Variants in TOM1 observed in about 807,000 individuals in gnomAD.
TOM1 encodes the protein target of myb1 membrane trafficking protein.
In TOM1, 38 loss-of-function variants were observed where a neutral mutation model predicts 61.3. The ratio of observed to expected loss-of-function variants is 0.62; its 90% confidence interval spans 0.48 to 0.81. The LOEUF (loss-of-function observed/expected upper bound fraction) is 0.81, where lower values mean the gene tolerates loss of function less well. TOM1 is among the 40% of genes least tolerant of loss of function. The pLI, the probability that TOM1 is intolerant of heterozygous loss-of-function variation, is 0.00. For missense variants in TOM1, 591 were observed against 659.6 expected (o/e 0.90, Z 1.14); for synonymous variants, 270 against 268.8 (o/e 1.00, Z -0.04).
intron 9 of TOM1, 42 bp downstream of exon 9, chr22:35,333,056 T>C (rs1270165517): frequency 2.5e-6 from 4 of 1,607,476 alleles, no homozygotes; most frequent in East Asian, 2.2e-5. Flanking sequence ...GCCCTGTTCA[T>C]GGGAAGAAGG....
At chr22:35,316,924 G>T (rs1927346962) in intron 1 of TOM1, among the ~76,000 whole-genome samples, 1 of 152,050 alleles carries the variant, frequency 6.6e-6, no homozygotes, top group South Asian at 2.1e-4. Flanking sequence ...AGTTCTGCTG[G>T]GTGGCTCGGC....
intron 7 of TOM1, 129 bp from the exon 8 acceptor site, chr22:35,330,218 C>T: frequency 1.1e-6 from 1 of 910,750 alleles, no homozygotes; most frequent in Non-Finnish European, 1.6e-6. Flanking sequence ...CAGGACACAG[C>T]TTGCAGTGAG....
intron 2 of TOM1, among the ~76,000 whole-genome samples, chr22:35,319,668 T>A (rs1390826123): frequency 6.6e-6 from 1 of 152,126 alleles, no homozygotes; most frequent in African/African-American, 2.4e-5. Flanking sequence ...TTCCCTTGTG[T>A]CTAGGCCACC....
At chr22:35,333,773 G>A (rs551367678) in intron 10 of TOM1, among the ~76,000 whole-genome samples, 37 of 152,234 alleles carry the variant, frequency 2.4e-4, no homozygotes, top group African/African-American at 3.1e-4. Context: ...AATCATCTGC[G>A]TGAGCTTGGG....
In TOM1 at chr22:35,345,804, T is replaced by C; in HGVS notation, c.1284+20T>C. The C allele has an allele frequency of 6.2e-7, 1 of 1,613,036 alleles. No individual in the cohort carries two copies. The highest frequency in any genetic ancestry group is 8.5e-7 in the Non-Finnish European group (1 of 1,179,584). ...GACGTGGTATGTTGGGGCCCACTCC[T>C]CACCCACACAGCAGGAGGACCCGTT... On this transcript the variant is annotated intron_variant, in intron 13 of 14. Coordinates refer to ENST00000449058, the MANE Select transcript of TOM1 (RefSeq NM_005488.3).
At chr22:35,320,529 GCTC>G (rs976142844) in intron 2 of TOM1, among the ~76,000 whole-genome samples, 16 of 152,004 alleles carry the variant, frequency 1.1e-4, no homozygotes, top group Admixed American at 1.0e-3. Context: ...AAGGCATCAA[GCTC>G]CTCTGCACCC....
intron 12 of TOM1, 76 bp from the exon 13 acceptor site, chr22:35,345,649 G>A: frequency 6.6e-7 from 1 of 1,507,914 alleles, no homozygotes. Context: ...GGGCCACCCA[G>A]CTGCAGGGTG....
chr22:35,334,836 G>GC (rs1369097587), intron 11 of TOM1, among the ~76,000 whole-genome samples: 1 of 98,720 alleles, frequency 1.0e-5, no homozygotes, highest in Non-Finnish European at 2.1e-5. Flanking sequence ...TCCACCCCCC[G>GC]CCCCCCTCCC....
At chr22:35,306,338 G>A (rs1185852774) in intron 1 of TOM1, among the ~76,000 whole-genome samples, 1 of 152,136 alleles carries the variant, frequency 6.6e-6, no homozygotes, top group Non-Finnish European at 1.5e-5. Context: ...GATGCTTGAG[G>A]GTGCTTATCC....
chr22:35,305,616 C>T (rs138756), intron 1 of TOM1, among the ~76,000 whole-genome samples: 76,748 of 150,724 alleles, frequency 0.51, 22,577 homozygotes, highest in Non-Finnish European at 0.65. Context: ...GCCAAGATCA[C>T]GCCGCTGCAC....
chr22:35,329,169 T>TG (rs1928601647), intron 7 of TOM1, among the ~76,000 whole-genome samples: 2 of 152,336 alleles, frequency 1.3e-5, no homozygotes, highest in South Asian at 4.1e-4. Context: ...TTGGCCAGGC[T>TG]GGTCTTGAAC....
chr22:35,333,720 C>T (rs1295466374), intron 10 of TOM1, among the ~76,000 whole-genome samples: 1 of 152,154 alleles, frequency 6.6e-6, no homozygotes, highest in Non-Finnish European at 1.5e-5. Context: ...AGAAATCCTA[C>T]CATCCTAGGA....
At chr22:35,313,991 C>A (rs1288942822) in intron 1 of TOM1, among the ~76,000 whole-genome samples, 1 of 152,208 alleles carries the variant, frequency 6.6e-6, no homozygotes, top group Non-Finnish European at 1.5e-5. Flanking sequence ...TGTTTTTATT[C>A]CCCCTTCTTA....
chr22:35,322,986 T>C, intron 3 of TOM1, 42 bp from the exon 4 acceptor site: 1 of 1,606,238 alleles, frequency 6.2e-7, no homozygotes, highest in Non-Finnish European at 8.5e-7. Context: ...GCACCTCCTC[T>C]CCTCTGACCA....
At chr22:35,328,260 G>A (rs147849137) in intron 7 of TOM1, among the ~76,000 whole-genome samples, 9 of 152,282 alleles carry the variant, frequency 5.9e-5, no homozygotes, top group East Asian at 3.9e-4. Flanking sequence ...TAAGGGCTCC[G>A]AAAGAGAGAA....
chr22:35,323,877 T>A lies in TOM1; in HGVS notation c.611T>A (p.Leu204His), dbSNP rs748511616. 11 of 1,600,320 alleles carry A rather than the reference T, an allele frequency of 6.9e-6. No homozygotes were observed. Among genetic ancestry groups the A allele is most frequent in the Non-Finnish European group, 9.4e-6 (11 of 1,173,444 alleles). The stretch of plus-strand genomic sequence containing the variant: ...GCCCCTCTGCCCGCCCCGCCCATAC[T>A]CTCCGGTGACACGCCCATAGCACCA... Reference protein sequence around the residue: ...HAAPLPAPPILSGDTPIAPTP... With the variant: ...HAAPLPAPPIHSGDTPIAPTP... Residue 204 changes from leucine (L) to histidine (H), a missense_variant, in exon 6 of 15, where the codon CTC becomes CAC. Coordinates refer to ENST00000449058, the MANE Select transcript of TOM1 (RefSeq NM_005488.3). This position sits in a 1 kb window ranked among gnomAD's most constrained non-coding sequence, Gnocchi z 4.2.
Position 35,299,981 on chromosome 22 carries a change from G to T in TOM1, c.52+1G>T. On this transcript the variant is annotated splice_donor_variant, in intron 1 of 14. Coordinates refer to ENST00000449058, the MANE Select transcript of TOM1 (RefSeq NM_005488.3). LOFTEE classifies it high-confidence loss of function. ...AGCTCTCCAGTGGGACAGCGCATCG[G>T]TGAGTCCCTGGAGCCCCCCACAGCT... 2 of 1,571,622 alleles carry T rather than the reference G, an allele frequency of 1.3e-6. No homozygotes were observed. Among genetic ancestry groups the T allele is most frequent in the Non-Finnish European group, 1.7e-6 (2 of 1,157,450 alleles).
intron 10 of TOM1, 33 bp from the exon 11 acceptor site, chr22:35,334,295 T>A: frequency 1.3e-6 from 2 of 1,595,772 alleles, no homozygotes; most frequent in Non-Finnish European, 1.7e-6. Flanking sequence ...AGCTTGTGGA[T>A]GGGTCTTTCA....
In TOM1 at chr22:35,347,412, G is replaced by A; in HGVS notation, c.*203G>A. 9.7e-6 allele frequency: 5 copies of A among 517,468 alleles called. No homozygotes were observed. Among genetic ancestry groups the A allele is most frequent in the Non-Finnish European group, 1.3e-5 (4 of 298,520 alleles). The allele number at this position is 517,468 out of a possible 1,614,324, so 32.1% of individuals were successfully genotyped here. ...AACTGGGGGACAGGTCTGCGCTGCA[G>A]TGGGATCTGGCTGCTCTGCCTCCTT... is the stretch of plus-strand genomic sequence containing the variant. On this transcript the variant is annotated 3_prime_UTR_variant, in exon 15 of 15. Transcript: ENST00000449058.
Sources: gnomAD v4.1 joint callset for allele counts (sites outside exome capture counted in the v4.1 genomes callset) on GRCh38, gnomAD v4.1.1 for gene constraint, Gnocchi (gnomAD v3.1) non-coding constraint, MANE v1.5 for transcripts, NCBI Gene and HGNC (gene_info 2026-07-23, HGNC 2026-07-21) for gene names.